Variants in SCMH1 observed in about 807,000 individuals in gnomAD.
SCMH1 encodes Scm polycomb group protein homolog 1, also known as polycomb protein SCMH1.
In SCMH1, 37 loss-of-function variants were observed where a neutral mutation model predicts 70.8. The observed-to-expected ratio is 0.52, with a 90% CI of 0.40 to 0.69. SCMH1 has a LOEUF of 0.69. Ranked by LOEUF, SCMH1 falls within the 30% of genes least tolerant of loss-of-function variation. The probability of loss-of-function intolerance (pLI) is 0.00; values close to 1 mark genes in which losing one functional copy is unlikely to be tolerated. For missense variants in SCMH1, 607 were observed against 827.3 expected, an observed-to-expected ratio of 0.73 and a Z score of 3.27; for synonymous variants, 292 against 307.4, an observed-to-expected ratio of 0.95 and a Z score of 0.52.
chr1:41,223,305 G>A (rs546022958), intron 1 of SCMH1, among the ~76,000 whole-genome samples: 49 of 152,316 alleles, frequency 3.2e-4, no homozygotes, highest in African/African-American at 1.1e-3. Context: ...AATGCAAACT[G>A]TGCCCAGGTA....
chr1:41,156,876 G>C (rs1645596946), intron 4 of SCMH1, among the ~76,000 whole-genome samples: 1 of 151,578 alleles, frequency 6.6e-6, no homozygotes, highest in East Asian at 1.9e-4. Flanking sequence ...ATGGTGCCCA[G>C]GCTAGTTGCA....
intron 1 of SCMH1, among the ~76,000 whole-genome samples, chr1:41,241,094 T>C (rs1008624115): frequency 6.6e-6 from 1 of 152,220 alleles, no homozygotes; most frequent in African/African-American, 2.4e-5. Context: ...TAACCAAATG[T>C]GTCCAGGAAC....
At chr1:41,152,813 CTATT>C in intron 4 of SCMH1, 5 of 1,381,000 alleles carry the variant, frequency 3.6e-6, no homozygotes, top group Non-Finnish European at 4.8e-6. Context: ...ACTTTACACT[CTATT>C]TATTTTATAG....
At chr1:41,059,803 T>C (rs1260835516) in intron 10 of SCMH1, among the ~76,000 whole-genome samples, 1 of 152,178 alleles carries the variant, frequency 6.6e-6, no homozygotes, top group African/African-American at 2.4e-5. Context: ...CTTGCCCATC[T>C]ACGTGTTCCC....
At chr1:41,093,424 G>A (rs1214182911) in intron 8 of SCMH1, among the ~76,000 whole-genome samples, 2 of 151,914 alleles carry the variant, frequency 1.3e-5, no homozygotes, top group African/African-American at 4.8e-5. Flanking sequence ...TAATGTAAAT[G>A]ACGAGTTAGT....
intron 12 of SCMH1, chr1:41,043,262 T>G (rs1398482426): frequency 6.6e-6 from 1 of 151,350 alleles, no homozygotes; most frequent in Non-Finnish European, 1.5e-5. Context: ...CCCAGCTAAT[T>G]TTTGTATTTT....
intron 5 of SCMH1, among the ~76,000 whole-genome samples, chr1:41,150,729 G>A (rs2148322556): frequency 6.6e-6 from 1 of 151,906 alleles, no homozygotes; most frequent in East Asian, 2.0e-4. Context: ...GAGGTCAGGA[G>A]ATCGAGACCA....
intron 8 of SCMH1, among the ~76,000 whole-genome samples, chr1:41,081,854 T>A (rs1480549658): frequency 6.6e-6 from 1 of 151,030 alleles, no homozygotes; most frequent in African/African-American, 2.4e-5. Context: ...GGTGCAAGGG[T>A]AGATGAATGA....
chr1:41,047,096 T>A (rs143429820), intron 11 of SCMH1, among the ~76,000 whole-genome samples: 1 of 152,368 alleles, frequency 6.6e-6, no homozygotes, highest in East Asian at 1.9e-4. Flanking sequence ...GGTGTTAGTT[T>A]ACTTCCTATC....
intron 8 of SCMH1, among the ~76,000 whole-genome samples, chr1:41,092,634 G>T (rs1572031783): frequency 6.6e-6 from 1 of 152,070 alleles, no homozygotes; most frequent in African/African-American, 2.4e-5. Context: ...CTGACAAAAG[G>T]CTAATATCCA....
intron 1 of SCMH1, among the ~76,000 whole-genome samples, chr1:41,209,967 C>T (rs191625718): frequency 5.8e-4 from 89 of 152,308 alleles, no homozygotes; most frequent in Admixed American, 1.8e-3. Context: ...AAAACCCCAT[C>T]GTCTCAGCCC....
chr1:41,071,344 G>A (rs1656427308), intron 9 of SCMH1, among the ~76,000 whole-genome samples: 1 of 151,844 alleles, frequency 6.6e-6, no homozygotes. Context: ...AGCTTTTCTA[G>A]TTTTTCTCTA....
At chr1:41,197,255 C>A (rs777969703) in intron 1 of SCMH1, among the ~76,000 whole-genome samples, 1 of 152,174 alleles carries the variant, frequency 6.6e-6, no homozygotes, top group Non-Finnish European at 1.5e-5. Flanking sequence ...ATGTTCATAG[C>A]AGCATGATTC....
At chr1:41,094,111 T>A (rs192533131) in intron 8 of SCMH1, among the ~76,000 whole-genome samples, 1 of 152,218 alleles carries the variant, frequency 6.6e-6, no homozygotes, top group Non-Finnish European at 1.5e-5. Context: ...GCACTAGTCA[T>A]ACTTCTCATT....
At chr1:41,193,411 T>C (rs1216819038) in intron 1 of SCMH1, among the ~76,000 whole-genome samples, 1 of 151,998 alleles carries the variant, frequency 6.6e-6, no homozygotes, top group Non-Finnish European at 1.5e-5. Flanking sequence ...CACAGATTAG[T>C]AGGAAAGATA....
At chr1:41,136,206 A>G (rs978194798) in intron 6 of SCMH1, among the ~76,000 whole-genome samples, 73 of 152,080 alleles carry the variant, frequency 4.8e-4, no homozygotes, top group African/African-American at 1.6e-3. Context: ...TTGGACTCCA[A>G]AAGTGCTGGG....
At chr1:41,212,457 C>G (rs1657232865) in intron 1 of SCMH1, among the ~76,000 whole-genome samples, 1 of 152,018 alleles carries the variant, frequency 6.6e-6, no homozygotes, top group Admixed American at 6.6e-5. Flanking sequence ...ATTGTGATGA[C>G]AAAAGATTTT....
chr1:41,132,270 AT>A (rs1007363687), intron 6 of SCMH1, among the ~76,000 whole-genome samples: 3 of 151,990 alleles, frequency 2.0e-5, no homozygotes, highest in African/African-American at 7.2e-5. Flanking sequence ...TCTCACTGTG[AT>A]TTTGATTTGC....
intron 8 of SCMH1, among the ~76,000 whole-genome samples, chr1:41,093,708 CA>C (rs1378882555): frequency 6.6e-6 from 1 of 152,046 alleles, no homozygotes; most frequent in Non-Finnish European, 1.5e-5. Context: ...ACAGATTTCC[CA>C]AATATCAGCA....
Sources: allele counts gnomAD v4.1 joint callset (sites outside exome capture counted in the v4.1 genomes callset), GRCh38; gene constraint gnomAD v4.1.1; transcripts MANE v1.5; gene names NCBI Gene and HGNC (gene_info 2026-07-23, HGNC 2026-07-21).